PARPBP: variants seen among roughly 807,000 people sequenced by gnomAD.
PARPBP encodes the protein PCNA-interacting partner.
PARPBP carries 52 observed loss-of-function variants against 50.0 expected under a neutral mutation model. That is an observed-to-expected ratio of 1.04 (90% CI 0.83 to 1.31). The LOEUF (loss-of-function observed/expected upper bound fraction) is 1.31, where lower values mean the gene tolerates loss of function less well. PARPBP is among the 50% of genes most tolerant of loss of function. PARPBP has a pLI of 0.00. For synonymous variants in PARPBP, 244 were observed against 232.1 expected (o/e 1.05, Z -0.47); for missense variants, 697 against 672.0 (o/e 1.04, Z -0.41).
At chr12:102,147,839 C>T (rs1396988752) in intron 2 of PARPBP, among the ~76,000 whole-genome samples, 6 of 151,868 alleles carry the variant, frequency 4.0e-5, no homozygotes, top group East Asian at 3.9e-4. Context: ...AAAATAGATT[C>T]GCCAAAAGAA....
At chr12:102,155,776 A>G (rs1594539622) in intron 4 of PARPBP, among the ~76,000 whole-genome samples, 1 of 152,108 alleles carries the variant, frequency 6.6e-6, no homozygotes, top group Non-Finnish European at 1.5e-5. Context: ...GCTCCAGTCC[A>G]CCACTGCTGT....
At chr12:102,140,120 T>G (rs1884333502) in intron 2 of PARPBP, among the ~76,000 whole-genome samples, 1 of 152,206 alleles carries the variant, frequency 6.6e-6, no homozygotes, top group Non-Finnish European at 1.5e-5. Flanking sequence ...TCCTGGAATT[T>G]TTTTGGTTGG....
chr12:102,170,333 A>G (rs1445363731), intron 6 of PARPBP, among the ~76,000 whole-genome samples: 1 of 152,242 alleles, frequency 6.6e-6, no homozygotes, highest in Non-Finnish European at 1.5e-5. Flanking sequence ...ATCACTGTAC[A>G]AACATCATAG....
chr12:102,144,045 A>G (rs1049845197), intron 2 of PARPBP, among the ~76,000 whole-genome samples: 9 of 152,178 alleles, frequency 5.9e-5, no homozygotes, highest in African/African-American at 1.4e-4. Flanking sequence ...TTGATTACCT[A>G]TCATTTGTCA....
At chr12:102,135,802 A>C (rs1026940131) in intron 2 of PARPBP, among the ~76,000 whole-genome samples, 2 of 152,176 alleles carry the variant, frequency 1.3e-5, no homozygotes, top group African/African-American at 4.8e-5. Flanking sequence ...CTTTTAGCCT[A>C]GATTTTCATT....
chr12:102,166,447 A>T (rs1034145335), intron 6 of PARPBP, among the ~76,000 whole-genome samples: 3 of 152,162 alleles, frequency 2.0e-5, no homozygotes, highest in African/African-American at 7.2e-5. Context: ...TAATGCTAGC[A>T]ATCATGGTGG....
intron 2 of PARPBP, among the ~76,000 whole-genome samples, chr12:102,147,168 C>G (rs560086894): frequency 6.6e-6 from 1 of 151,032 alleles, no homozygotes; most frequent in African/African-American, 2.4e-5. Context: ...GGCTATTCCT[C>G]GGATCTAGAA....
At chr12:102,139,002 T>G (rs1448891517) in intron 2 of PARPBP, among the ~76,000 whole-genome samples, 2 of 152,300 alleles carry the variant, frequency 1.3e-5, no homozygotes, top group Non-Finnish European at 2.9e-5. Context: ...AATTTTAAAG[T>G]AGTTTTTTCC....
intron 2 of PARPBP, among the ~76,000 whole-genome samples, chr12:102,133,852 C>G (rs953950151): frequency 1.3e-5 from 2 of 151,762 alleles, no homozygotes; most frequent in Non-Finnish European, 2.9e-5. Context: ...GGAAAATTAA[C>G]AAACACGTGG....
intron 2 of PARPBP, among the ~76,000 whole-genome samples, chr12:102,142,926 C>T (rs947167635): frequency 3.3e-5 from 5 of 152,218 alleles, no homozygotes; most frequent in African/African-American, 1.2e-4. Flanking sequence ...CCCACTTAGG[C>T]TACTTGGTGT....
At chr12:102,122,083 C>T (rs887931526) in intron 1 of PARPBP, among the ~76,000 whole-genome samples, 1 of 152,114 alleles carries the variant, frequency 6.6e-6, no homozygotes, top group African/African-American at 2.4e-5. Flanking sequence ...TCAGAATGGC[C>T]TAATTCCCAA....
intron 2 of PARPBP, among the ~76,000 whole-genome samples, chr12:102,141,986 G>A (rs950177474): frequency 1.3e-5 from 2 of 152,122 alleles, no homozygotes. Flanking sequence ...TTCTCGAGGA[G>A]TATCTTTGTG....
At chr12:102,190,454 G>A (rs1448303906) in intron 9 of PARPBP, among the ~76,000 whole-genome samples, 1 of 152,042 alleles carries the variant, frequency 6.6e-6, no homozygotes, top group Non-Finnish European at 1.5e-5. Flanking sequence ...GGAAGCCACT[G>A]GCCTACCCTG....
intron 6 of PARPBP, among the ~76,000 whole-genome samples, chr12:102,173,980 T>C (rs1889009248): frequency 6.7e-6 from 1 of 149,772 alleles, no homozygotes. Context: ...ATAATATGAA[T>C]AGTAAAATAT....
At chr12:102,194,220 A>G (rs1565908220) in intron 9 of PARPBP, among the ~76,000 whole-genome samples, 1 of 152,038 alleles carries the variant, frequency 6.6e-6, no homozygotes, top group Non-Finnish European at 1.5e-5. Context: ...CTGAATATAT[A>G]AAGTCATGCT....
chr12:102,136,804 C>G (rs983127285), intron 2 of PARPBP, among the ~76,000 whole-genome samples: 2 of 152,074 alleles, frequency 1.3e-5, no homozygotes, highest in Non-Finnish European at 1.5e-5. Flanking sequence ...AACAACATAC[C>G]TATATGTCTG....
chr12:102,177,474 A>G (rs1378391777), intron 7 of PARPBP, among the ~76,000 whole-genome samples: 1 of 152,264 alleles, frequency 6.6e-6, no homozygotes, highest in East Asian at 1.9e-4. Context: ...GTTTGTGCTT[A>G]CATGTATCTA....
At chr12:102,192,261 A>G (rs145863301) in intron 9 of PARPBP, among the ~76,000 whole-genome samples, 27 of 152,268 alleles carry the variant, frequency 1.8e-4, no homozygotes, top group African/African-American at 6.5e-4. Flanking sequence ...TAGTGTCTAC[A>G]TAGATTTCTG....
At chr12:102,123,814 G>C in intron 1 of PARPBP, 72 bp from the exon 2 acceptor site, 5 of 968,852 alleles carry the variant, frequency 5.2e-6, no homozygotes, top group Non-Finnish European at 7.8e-6. Flanking sequence ...ATCTGTGCTT[G>C]CCTATACATG....
Sources: gnomAD v4.1 joint callset for allele counts (sites outside exome capture counted in the v4.1 genomes callset) on GRCh38, gnomAD v4.1.1 for gene constraint, MANE v1.5 for transcripts, NCBI Gene and HGNC (gene_info 2026-07-23, HGNC 2026-07-21) for gene names.